MICAL2: variants seen among roughly 807,000 people sequenced by gnomAD.
The protein encoded by MICAL2 is [F-actin]-monooxygenase MICAL2.
In MICAL2, 77 loss-of-function variants were observed where a neutral mutation model predicts 127.3. That is an observed-to-expected ratio of 0.60 (90% CI 0.50 to 0.73). The LOEUF is 0.73. Among genes scored for constraint, MICAL2 ranks in the 30% least tolerant of loss-of-function variants. The pLI is 0.00. For synonymous variants in MICAL2, 570 were observed against 551.1 expected (o/e 1.03, Z -0.48); for missense variants, 1,351 against 1,434.4 (o/e 0.94, Z 0.94).
At chr11:12,322,805 A>T (rs759041330) in intron 30 of MICAL2, among the ~76,000 whole-genome samples, 62 of 152,318 alleles carry the variant, frequency 4.1e-4, no homozygotes, top group Middle Eastern at 3.4e-3. Context: ...AAAATATAAT[A>T]ATATACGAAT....
At chr11:12,254,072 A>G (rs1861961735) in intron 22 of MICAL2, 1 of 152,194 alleles carries the variant, frequency 6.6e-6, no homozygotes, top group African/African-American at 2.4e-5. Flanking sequence ...CCTATCACCC[A>G]GGAAATCCCA....
At chr11:12,282,112 C>A (rs923181796) in intron 2 of MICAL2, among the ~76,000 whole-genome samples, 1 of 151,980 alleles carries the variant, frequency 6.6e-6, no homozygotes, top group African/African-American at 2.4e-5. Context: ...AGGGCTGGGG[C>A]GGAAAGAACT....
chr11:12,332,492 TG>T (rs1470012674), intron 32 of MICAL2, among the ~76,000 whole-genome samples: 1 of 152,158 alleles, frequency 6.6e-6, no homozygotes, highest in Non-Finnish European at 1.5e-5. Context: ...TCAAAGTGGA[TG>T]ATTAAGCATG....
intron 29 of MICAL2, among the ~76,000 whole-genome samples, chr11:12,300,945 C>T (rs747454044): frequency 2.6e-5 from 4 of 152,078 alleles, no homozygotes; most frequent in Non-Finnish European, 5.9e-5. Flanking sequence ...TGTATTAGTC[C>T]GTTTTCACAC....
At chr11:12,252,200 G>A (rs944740850) in intron 22 of MICAL2, among the ~76,000 whole-genome samples, 7 of 152,224 alleles carry the variant, frequency 4.6e-5, no homozygotes, top group African/African-American at 1.7e-4. Flanking sequence ...GGCAAACAAT[G>A]GCTTATTGTC....
At chr11:12,345,527 C>T (rs559714633) in intron 32 of MICAL2, among the ~76,000 whole-genome samples, 2 of 152,276 alleles carry the variant, frequency 1.3e-5, no homozygotes, top group East Asian at 3.9e-4. Flanking sequence ...ATCAGTTCTG[C>T]AGAAATCTCA....
chr11:12,149,308 T>C (rs1314686050), intron 2 of MICAL2, among the ~76,000 whole-genome samples: 1 of 152,190 alleles, frequency 6.6e-6, no homozygotes, highest in African/African-American at 2.4e-5. Flanking sequence ...AAGGTAGTTT[T>C]TGTTTTGCTC....
rs1055511801 is a variant in MICAL2 at position 12,256,970 on chromosome 11, A to G, written c.3141A>G (p.Glu1047=). ...CCGCCTACACCTTTGACTGCGATGA[A>G]GGTAACCCCAGGGGCCAGGGCAGCA... ...RLAAYTFDCD[E]GKFYCKPHFI... is the part of the protein sequence containing the mutation. Residue 1047 remains glutamate (E), a splice_region_variant and synonymous_variant, in exon 24 of 28, where the codon GAA becomes GAG. Transcript: ENST00000683283. The G allele has an allele frequency of 1.2e-6, 2 of 1,611,308 alleles. No individual in the cohort carries two copies. Among genetic ancestry groups the G allele is most frequent in the Non-Finnish European group, 1.7e-6 (2 of 1,178,758 alleles).
Position 12,204,409 on chromosome 11 carries a change from G to A in MICAL2, c.424G>A (p.Ala142Thr). 2 of 1,614,180 alleles carry A rather than the reference G, an allele frequency of 1.2e-6. No individual in the cohort carries two copies. The highest frequency in any genetic ancestry group is 2.2e-5 in the East Asian group (1 of 44,880). The change falls in exon 4 of 28, where the codon GCC becomes ACC. Residue 142 changes from alanine (A) to threonine (T), a missense_variant. Transcript: ENST00000683283. ...CATCCATGACCTTCGTGGCCTGGGAGCCAAGAAGTTCTATGGGAAGTTCTG... is the reference window on the plus strand; with the variant it reads ...CATCCATGACCTTCGTGGCCTGGGAACCAAGAAGTTCTATGGGAAGTTCTG... ...FTIHDLRGLG[A>T]KKFYGKFCAG... is the part of the protein sequence containing the mutation.
intron 3 of MICAL2, among the ~76,000 whole-genome samples, chr11:12,168,210 C>T (rs1427200242): frequency 6.6e-6 from 1 of 150,680 alleles, no homozygotes; most frequent in Non-Finnish European, 1.5e-5. Context: ...CAGTTAGTCA[C>T]ACATATACAC....
intron 1 of MICAL2, among the ~76,000 whole-genome samples, chr11:12,121,210 A>T (rs905895735): frequency 6.6e-6 from 1 of 152,000 alleles, no homozygotes; most frequent in Non-Finnish European, 1.5e-5. Context: ...CACTTTCACC[A>T]CCTCGCTGCG....
chr11:12,240,988 T>C (rs1859844409), intron 17 of MICAL2, 52 bp from the exon 18 acceptor site: 1 of 1,600,400 alleles, frequency 6.2e-7, no homozygotes, highest in Non-Finnish European at 8.5e-7. Context: ...GACTCACCTT[T>C]TCCTTCATGT....
chr11:12,355,075 AG>A (rs1565314282), intron 34 of MICAL2, among the ~76,000 whole-genome samples: 1 of 152,226 alleles, frequency 6.6e-6, no homozygotes, highest in African/African-American at 2.4e-5. Context: ...CCCAAGTGGC[AG>A]TAGGAACAAA....
intron 1 of MICAL2, among the ~76,000 whole-genome samples, chr11:12,279,425 C>T (rs1477051390): frequency 6.6e-6 from 1 of 152,120 alleles, no homozygotes; most frequent in Non-Finnish European, 1.5e-5. Flanking sequence ...GGAACATAGG[C>T]TTGAGCATCC....
intron 32 of MICAL2, among the ~76,000 whole-genome samples, chr11:12,344,967 G>GC (rs1938930511): frequency 1.3e-5 from 2 of 151,588 alleles, no homozygotes; most frequent in Non-Finnish European, 1.5e-5. Flanking sequence ...CAAAAAATTA[G>GC]CTGGTGTTGT....
intron 2 of MICAL2, among the ~76,000 whole-genome samples, chr11:12,140,432 A>T (rs1692595384): frequency 6.6e-6 from 1 of 151,386 alleles, no homozygotes; most frequent in African/African-American, 2.4e-5. Flanking sequence ...ACCATAGTAA[A>T]TCTCTGGAGG....
intron 29 of MICAL2, among the ~76,000 whole-genome samples, chr11:12,314,531 T>G (rs548404038): frequency 1.3e-5 from 2 of 152,030 alleles, no homozygotes; most frequent in African/African-American, 2.4e-5. Context: ...CAGGCTGGAG[T>G]GCAGTGGCGC....
intron 3 of MICAL2, among the ~76,000 whole-genome samples, chr11:12,180,662 C>A (rs1001092016): frequency 6.6e-6 from 1 of 152,046 alleles, no homozygotes; most frequent in Non-Finnish European, 1.5e-5. Context: ...ATTATCCCCA[C>A]TTTACAGATG....
At chr11:12,257,285 A>G (rs1664880454) in intron 24 of MICAL2, 1 of 284,576 alleles carries the variant, frequency 3.5e-6, no homozygotes, top group Non-Finnish European at 6.5e-6. Flanking sequence ...TATGGCCAAG[A>G]AAATCCAACC....
Sources: gnomAD v4.1 joint callset for allele counts (sites outside exome capture counted in the v4.1 genomes callset) on GRCh38, gnomAD v4.1.1 for gene constraint, MANE v1.5 for transcripts, NCBI Gene and HGNC (gene_info 2026-07-23, HGNC 2026-07-21) for gene names.